The following C16orf74 variants were observed in gnomAD, a reference collection of about 807,000 sequenced individuals.
The protein encoded by C16orf74 is uncharacterized protein C16orf74.
C16orf74 carries 10 observed loss-of-function variants against 6.5 expected under a neutral mutation model. The observed-to-expected ratio is 1.54, with a 90% confidence interval of 0.95 to 2.61. The LOEUF is 2.61. Among genes scored for constraint, C16orf74 ranks in the 30% most tolerant of loss-of-function variants. The probability of loss-of-function intolerance (pLI) is 0.00; values close to 1 mark genes in which losing one functional copy is unlikely to be tolerated. For missense variants in C16orf74, 141 were observed against 105.9 expected (o/e 1.33, Z -1.45); for synonymous variants, 60 against 42.5 (o/e 1.41, Z -1.60).
intron 1 of C16orf74, 66 bp from the exon 2 acceptor site, chr16:85,735,301 C>T (rs993564975): frequency 1.4e-5 from 17 of 1,248,896 alleles, no homozygotes; most frequent in African/African-American, 9.3e-5. Context: ...CACGTGCAGC[C>T]GGGCCCCCAC....
intron 1 of C16orf74, among the ~76,000 whole-genome samples, chr16:85,749,575 G>A (rs2054412949): frequency 6.6e-6 from 1 of 152,250 alleles, no homozygotes; most frequent in South Asian, 2.1e-4. Flanking sequence ...GAGCCACTGT[G>A]CCTGGCCCTG....
intron 2 of C16orf74, among the ~76,000 whole-genome samples, chr16:85,734,260 C>T (rs1056505587): frequency 5.3e-5 from 8 of 152,190 alleles, no homozygotes; most frequent in African/African-American, 1.2e-4. Context: ...TCTCGTGCTC[C>T]CGGTGACCTG....
intron 1 of C16orf74, among the ~76,000 whole-genome samples, chr16:85,740,225 A>AG (rs1369257502): frequency 0.01 from 1,536 of 149,888 alleles, 40 homozygotes; most frequent in African/African-American, 0.036. Context: ...AAAAAAAAAA[A>AG]AAAAAGAAAA....
intron 2 of C16orf74, among the ~76,000 whole-genome samples, chr16:85,717,551 G>A (rs376324691): frequency 5.9e-5 from 9 of 152,190 alleles, no homozygotes; most frequent in African/African-American, 2.2e-4. Context: ...GGGGAGAAAT[G>A]ACCCTCGGGG....
chr16:85,727,936 C>T (rs555282260), intron 2 of C16orf74, among the ~76,000 whole-genome samples: 29 of 143,586 alleles, frequency 2.0e-4, no homozygotes, highest in Non-Finnish European at 3.6e-4. Context: ...AAGACTAGCC[C>T]GAGCAACAAA....
At chr16:85,749,007 C>T (rs547322382) in intron 1 of C16orf74, among the ~76,000 whole-genome samples, 1 of 150,500 alleles carries the variant, frequency 6.6e-6, no homozygotes, top group Non-Finnish European at 1.5e-5. Flanking sequence ...TCTCAAACTC[C>T]TGGCCTCAGG....
chr16:85,731,976 C>T (rs2054193561), intron 2 of C16orf74, among the ~76,000 whole-genome samples: 1 of 152,260 alleles, frequency 6.6e-6, no homozygotes, highest in African/African-American at 2.4e-5. Context: ...CAGGCATGGG[C>T]CACCGTGCAG....
intron 3 of C16orf74, among the ~76,000 whole-genome samples, chr16:85,709,568 C>T (rs2053947033): frequency 1.3e-5 from 2 of 151,980 alleles, no homozygotes; most frequent in Admixed American, 6.6e-5. Flanking sequence ...AGGCCCAGCT[C>T]AGTAAATCTC....
rs2054060500 is a variant in C16orf74 at position 85,719,746 on chromosome 16, G to A, written c.29-9439C>T. Among the ~76,000 whole-genome samples the A allele has an allele frequency of 2.6e-5, 4 of 152,208 alleles. No homozygotes were observed. The South Asian group carries it at 6.3e-4, about 24-fold the overall frequency. On this transcript the variant is annotated intron_variant, in intron 2 of 3. Transcript: ENST00000284245. ...AGAAAGCGGCAGGAGAGATTCCCGA[G>A]GCACCCACAGCACACACAAAGGCCC...
chr16:85,750,822 C>T (rs2054429718), intron 1 of C16orf74, 104 bp downstream of exon 1: 1 of 152,074 alleles, frequency 6.6e-6, no homozygotes, highest in South Asian at 2.1e-4. Context: ...CCTGCAGCGG[C>T]TAGAGCTTGC....
At chr16:85,719,878 A>ATAG (rs1265470557) in intron 2 of C16orf74, among the ~76,000 whole-genome samples, 163 of 144,250 alleles carry the variant, frequency 1.1e-3, no homozygotes, top group African/African-American at 4.4e-3. Context: ...AGGCAGGAAC[A>ATAG]GAGGGGCCAC....
intron 2 of C16orf74, among the ~76,000 whole-genome samples, chr16:85,719,630 T>C (rs2054059043): frequency 6.6e-6 from 1 of 152,094 alleles, no homozygotes; most frequent in Non-Finnish European, 1.5e-5. Flanking sequence ...AAGCAGGGAC[T>C]AGGGGCAGAT....
At position 85,710,150 on chromosome 16, in the gene C16orf74, G is replaced by C. The variant is rs930542153; in HGVS notation, c.172+14C>G. On this transcript the variant is annotated intron_variant, in intron 3 of 3. Transcript: ENST00000284245. ...ACAGCCGACCCGGCTTGGCGGTGGA[G>C]GGGACGGCCTCACCTGTGCTCCCCA... 7.1e-7 allele frequency: 1 copy of C among 1,412,722 alleles called. No individual in the cohort carries two copies. Among genetic ancestry groups the C allele is most frequent in the Non-Finnish European group, 9.2e-7 (1 of 1,087,142 alleles). 87.5% of individuals were successfully genotyped at this position (1,412,722 alleles called of 1,614,324 possible). A position where few individuals can be genotyped will look rare whatever the true frequency, so the allele number is the denominator to read the frequency against.
chr16:85,750,674 C>G (rs1323752873), intron 1 of C16orf74, among the ~76,000 whole-genome samples: 1 of 152,172 alleles, frequency 6.6e-6, no homozygotes, highest in Non-Finnish European at 1.5e-5. Context: ...GGGGTCACAC[C>G]CCCACCGCCG....
intron 2 of C16orf74, among the ~76,000 whole-genome samples, chr16:85,726,874 C>T (rs995803464): frequency 3.3e-5 from 5 of 152,140 alleles, no homozygotes; most frequent in South Asian, 2.1e-4. Flanking sequence ...CTTCCCAGCC[C>T]GTGCCCATGA....
chr16:85,745,852 A>C (rs574150053), intron 1 of C16orf74, among the ~76,000 whole-genome samples: 1 of 152,332 alleles, frequency 6.6e-6, no homozygotes, highest in East Asian at 1.9e-4. Flanking sequence ...AGTGGGCTCC[A>C]ACGTTTGCCG....
chr16:85,739,644 A>T (rs2054281302), intron 1 of C16orf74, among the ~76,000 whole-genome samples: 1 of 151,490 alleles, frequency 6.6e-6, no homozygotes, highest in African/African-American at 2.4e-5. Context: ...ACAAAAAAAT[A>T]CAAAATTTAA....
At chr16:85,720,533 C>A (rs537881633) in intron 2 of C16orf74, among the ~76,000 whole-genome samples, 1 of 152,088 alleles carries the variant, frequency 6.6e-6, no homozygotes. Flanking sequence ...TTTGGAAGGA[C>A]AAGGACAAAG....
At chr16:85,720,839 G>C (rs2054075210) in intron 2 of C16orf74, among the ~76,000 whole-genome samples, 1 of 151,000 alleles carries the variant, frequency 6.6e-6, no homozygotes, top group Non-Finnish European at 1.5e-5. Flanking sequence ...TGTAATCCCA[G>C]CACTTTGGGA....
Sources: allele counts gnomAD v4.1 joint callset (sites outside exome capture counted in the v4.1 genomes callset), GRCh38; gene constraint gnomAD v4.1.1; transcripts MANE v1.5; gene names NCBI Gene and HGNC (gene_info 2026-07-23, HGNC 2026-07-21).